The following LRRC4C variants were observed in gnomAD, a reference collection of about 807,000 sequenced individuals.
LRRC4C encodes leucine rich repeat containing 4C, also known as leucine-rich repeat-containing protein 4C.
In LRRC4C, 5 loss-of-function variants were observed where a neutral mutation model predicts 33.6. That is an observed-to-expected ratio of 0.15 (90% confidence interval 0.08 to 0.31). The LOEUF (loss-of-function observed/expected upper bound fraction) is 0.31, where lower values mean the gene tolerates loss of function less well. LRRC4C is among the 10% of genes least tolerant of loss of function. LRRC4C has a pLI of 1.00. For missense variants in LRRC4C, 560 were observed against 796.7 expected (o/e 0.70, Z 3.58); for synonymous variants, 329 against 302.0 (o/e 1.09, Z -0.93).
chr11:41,120,459 C>T (rs1481635247), intron 1 of LRRC4C, among the ~76,000 whole-genome samples: 1 of 152,100 alleles, frequency 6.6e-6, no homozygotes, highest in Non-Finnish European at 1.5e-5. Flanking sequence ...TCATTGCTCC[C>T]TATATTCTAG....
intron 3 of LRRC4C, among the ~76,000 whole-genome samples, chr11:40,334,642 T>C (rs1946515322): frequency 6.6e-6 from 1 of 152,108 alleles, no homozygotes; most frequent in Non-Finnish European, 1.5e-5. Context: ...ACCAGATAAA[T>C]CTATAATACA....
intron 2 of LRRC4C, among the ~76,000 whole-genome samples, chr11:40,875,163 T>C (rs929688337): frequency 2.6e-5 from 4 of 152,068 alleles, no homozygotes; most frequent in African/African-American, 7.2e-5. Context: ...AGGAAAAAAT[T>C]TACACAATAG....
intron 1 of LRRC4C, among the ~76,000 whole-genome samples, chr11:41,146,513 A>T (rs767966687): frequency 6.6e-6 from 1 of 152,214 alleles, no homozygotes; most frequent in Non-Finnish European, 1.5e-5. Context: ...GATTCTTTAC[A>T]TTGTTTAGAA....
chr11:41,436,629 T>C (rs1199632683), intron 1 of LRRC4C, among the ~76,000 whole-genome samples: 1 of 152,238 alleles, frequency 6.6e-6, no homozygotes, highest in African/African-American at 2.4e-5. Context: ...AAATCTTACA[T>C]GTGGCATAAT....
chr11:40,879,359 G>A (rs987848148), intron 2 of LRRC4C, among the ~76,000 whole-genome samples: 1 of 152,168 alleles, frequency 6.6e-6, no homozygotes, highest in African/African-American at 2.4e-5. Context: ...CTGTGTCAGA[G>A]CAGTTGTCAA....
intron 1 of LRRC4C, among the ~76,000 whole-genome samples, chr11:41,203,177 C>T (rs1946469398): frequency 6.6e-6 from 1 of 152,206 alleles, no homozygotes; most frequent in Non-Finnish European, 1.5e-5. Flanking sequence ...ATCTGTCATT[C>T]ACCCTGTTTT....
chr11:40,772,936 T>A (rs1302690745), intron 2 of LRRC4C, among the ~76,000 whole-genome samples: 1 of 152,188 alleles, frequency 6.6e-6, no homozygotes, highest in Non-Finnish European at 1.5e-5. Flanking sequence ...ATAGTCAAGA[T>A]TTGGAAGCAA....
At chr11:41,335,951 G>A (rs1323596572) in intron 1 of LRRC4C, among the ~76,000 whole-genome samples, 1 of 152,130 alleles carries the variant, frequency 6.6e-6, no homozygotes, top group South Asian at 2.1e-4. Context: ...TTTAACGATT[G>A]AAATGAATGG....
chr11:41,153,336 C>T (rs1944083577), intron 1 of LRRC4C, among the ~76,000 whole-genome samples: 1 of 152,068 alleles, frequency 6.6e-6, no homozygotes, highest in Admixed American at 6.6e-5. Flanking sequence ...TGTTTTTTCT[C>T]ATCTTTGCAT....
At chr11:40,874,395 C>T (rs1565157159) in intron 2 of LRRC4C, among the ~76,000 whole-genome samples, 2 of 152,156 alleles carry the variant, frequency 1.3e-5, no homozygotes, top group African/African-American at 4.8e-5. Context: ...CTCTGCCTTG[C>T]TGGTCCAGAA....
chr11:40,646,708 G>A (rs767147508), intron 3 of LRRC4C, among the ~76,000 whole-genome samples: 1 of 152,116 alleles, frequency 6.6e-6, no homozygotes, highest in African/African-American at 2.4e-5. Context: ...CCGGGTTCAC[G>A]CCATTCTCCT....
chr11:40,564,321 G>C (rs1957670304), intron 3 of LRRC4C, among the ~76,000 whole-genome samples: 1 of 152,216 alleles, frequency 6.6e-6, no homozygotes, highest in Non-Finnish European at 1.5e-5. Flanking sequence ...AAGGCTCATA[G>C]AGCTGGGAAT....
At chr11:40,712,315 C>T (rs970653354) in intron 2 of LRRC4C, among the ~76,000 whole-genome samples, 56 of 151,998 alleles carry the variant, frequency 3.7e-4, no homozygotes, top group African/African-American at 1.3e-3. Context: ...TTACTTAAAA[C>T]GCTTTGATTT....
intron 2 of LRRC4C, among the ~76,000 whole-genome samples, chr11:40,812,184 T>G (rs528708162): frequency 1.3e-5 from 2 of 152,322 alleles, no homozygotes; most frequent in African/African-American, 4.8e-5. Flanking sequence ...GAGATGCTTA[T>G]TTCTATTATT....
chr11:40,500,843 A>G (rs1954730194), intron 3 of LRRC4C, among the ~76,000 whole-genome samples: 1 of 152,016 alleles, frequency 6.6e-6, no homozygotes, highest in Non-Finnish European at 1.5e-5. Flanking sequence ...CAGTCCCCCA[A>G]AGTCTTAATT....
intron 1 of LRRC4C, among the ~76,000 whole-genome samples, chr11:41,457,625 A>T (rs1402989525): frequency 1.3e-5 from 2 of 152,220 alleles, no homozygotes; most frequent in African/African-American, 4.8e-5. Flanking sequence ...AAAATTAAAA[A>T]AAGAAAACAA....
chr11:41,107,277 C>G (rs1486456944), intron 1 of LRRC4C, among the ~76,000 whole-genome samples: 2 of 151,958 alleles, frequency 1.3e-5, no homozygotes, highest in African/African-American at 4.8e-5. Flanking sequence ...AATGCAGTTA[C>G]TTAATTGGCA....
At chr11:40,421,930 C>A (rs1950537352) in intron 3 of LRRC4C, among the ~76,000 whole-genome samples, 1 of 152,224 alleles carries the variant, frequency 6.6e-6, no homozygotes, top group Admixed American at 6.5e-5. Context: ...TGTGGAGGAA[C>A]TGCAAAGTCA....
intron 1 of LRRC4C, among the ~76,000 whole-genome samples, chr11:41,103,797 C>CA (rs1427318555): frequency 6.6e-6 from 1 of 151,940 alleles, no homozygotes; most frequent in African/African-American, 2.4e-5. Flanking sequence ...AGATCCATGG[C>CA]AAAAAATTAA....
Sources: allele counts gnomAD v4.1 joint callset (sites outside exome capture counted in the v4.1 genomes callset), GRCh38; gene constraint gnomAD v4.1.1; transcripts MANE v1.5; gene names NCBI Gene and HGNC (gene_info 2026-07-23, HGNC 2026-07-21).